ZBBX: variants seen among roughly 807,000 people sequenced by gnomAD.
The protein encoded by ZBBX is zinc finger B-box domain-containing protein 1.
Under a neutral mutation model 108.5 loss-of-function variants are expected in ZBBX, and 101 were observed. That is an observed-to-expected ratio of 0.93 (90% CI 0.79 to 1.10). ZBBX has a LOEUF of 1.10. Ranked by LOEUF, ZBBX falls within the 50% of genes least tolerant of loss-of-function variation. The pLI is 0.00. For synonymous variants in ZBBX, 356 were observed against 323.4 expected (o/e 1.10, Z -1.08); for missense variants, 1,009 against 941.4 (o/e 1.07, Z -0.94).
chr3:167,286,155 G>C lies in ZBBX; in HGVS notation c.1996+2712C>G, dbSNP rs191491824. On this transcript the variant is annotated intron_variant, in intron 19 of 21. Coordinates refer to ENST00000675490, the MANE Select transcript of ZBBX (RefSeq NM_001199201.2). Reference sequence around the variant, plus strand: ...CATATGAAGAGTGTGAGAATGGAGAGGGAAATTTCAGAGCATCCTGGAGAA... The same window carrying C: ...CATATGAAGAGTGTGAGAATGGAGACGGAAATTTCAGAGCATCCTGGAGAA... Among the ~76,000 whole-genome samples the C allele has an allele frequency of 5.3e-5, 8 of 152,152 alleles. No homozygotes were observed. The East Asian group carries it at 1.5e-3, about 29-fold the overall frequency.
chr3:167,329,372 G>C (rs951728200), intron 10 of ZBBX, among the ~76,000 whole-genome samples: 1 of 152,138 alleles, frequency 6.6e-6, no homozygotes, highest in Non-Finnish European at 1.5e-5. Context: ...AAAATAAACA[G>C]GCAGCTTGTT....
intron 2 of ZBBX, among the ~76,000 whole-genome samples, chr3:167,376,495 A>G (rs1399948574): frequency 6.6e-6 from 1 of 152,180 alleles, no homozygotes; most frequent in Non-Finnish European, 1.5e-5. Flanking sequence ...GATTATTAAA[A>G]TAATCTAAAT....
intron 8 of ZBBX, among the ~76,000 whole-genome samples, chr3:167,356,486 T>C (rs1355537715): frequency 1.3e-5 from 2 of 152,122 alleles, no homozygotes; most frequent in Non-Finnish European, 2.9e-5. Context: ...TCTAAAACTG[T>C]AACATAATAT....
intron 18 of ZBBX, among the ~76,000 whole-genome samples, chr3:167,289,532 G>A (rs1730282887): frequency 6.6e-6 from 1 of 152,228 alleles, no homozygotes; most frequent in Non-Finnish European, 1.5e-5. Context: ...TCCTAGCCAA[G>A]GGAAGCCATT....
At chr3:167,333,472 T>G (rs1397352275) in intron 10 of ZBBX, among the ~76,000 whole-genome samples, 3 of 152,144 alleles carry the variant, frequency 2.0e-5, no homozygotes, top group Non-Finnish European at 4.4e-5. Context: ...TTTTGTATTT[T>G]TAGCTTCTCT....
intron 16 of ZBBX, among the ~76,000 whole-genome samples, chr3:167,310,339 C>T (rs1351234974): frequency 6.6e-6 from 1 of 152,192 alleles, no homozygotes; most frequent in Non-Finnish European, 1.5e-5. Flanking sequence ...GTTCTAACCT[C>T]TGCCTGTTAC....
the ZBBX span, among the ~76,000 whole-genome samples, chr3:167,184,316 G>A: frequency 0.013 from 2,031 of 152,234 alleles, 22 homozygotes; most frequent in South Asian, 0.026. Context: ...TGACCTTTGT[G>A]TTGAGATGTT....
intron 9 of ZBBX, among the ~76,000 whole-genome samples, chr3:167,348,310 GAA>G (rs1383486374): frequency 0.017 from 1,471 of 85,088 alleles, 27 homozygotes; most frequent in African/African-American, 0.056. Flanking sequence ...AAGAGAGAAA[GAA>G]AGAGAAAGAA....
At chr3:167,338,728 GT>G (rs775939140) in intron 9 of ZBBX, among the ~76,000 whole-genome samples, 1 of 152,108 alleles carries the variant, frequency 6.6e-6, no homozygotes, top group African/African-American at 2.4e-5. Context: ...CTGCAGAAGA[GT>G]TCTGTTATTT....
intron 9 of ZBBX, among the ~76,000 whole-genome samples, chr3:167,337,369 A>G (rs746132449): frequency 3.9e-5 from 6 of 152,108 alleles, no homozygotes; most frequent in Non-Finnish European, 8.8e-5. Flanking sequence ...AATACAAAAA[A>G]TTAGCTGAAC....
the ZBBX span, among the ~76,000 whole-genome samples, chr3:167,224,788 CA>C: frequency 2.0e-5 from 3 of 151,810 alleles, no homozygotes; most frequent in Non-Finnish European, 2.9e-5. Flanking sequence ...TTGCAAATGG[CA>C]GTACTATCTC....
At chr3:167,203,657 G>A in the ZBBX span, among the ~76,000 whole-genome samples, 1 of 152,060 alleles carries the variant, frequency 6.6e-6, no homozygotes. Flanking sequence ...GCTTAAGGAA[G>A]CATATAACAG....
intron 17 of ZBBX, among the ~76,000 whole-genome samples, chr3:167,302,056 A>T (rs1686725470): frequency 6.6e-6 from 1 of 151,870 alleles, no homozygotes; most frequent in African/African-American, 2.4e-5. Context: ...ATGGTTGGAA[A>T]ACACCGTGTG....
intron 20 of ZBBX, among the ~76,000 whole-genome samples, chr3:167,245,833 A>C (rs1003728104): frequency 6.6e-6 from 1 of 152,112 alleles, no homozygotes; most frequent in Non-Finnish European, 1.5e-5. Context: ...TTTTTTTATA[A>C]GTTGTAAGTT....
intron 1 of ZBBX, among the ~76,000 whole-genome samples, chr3:167,403,550 T>C (rs943531743): frequency 5.9e-5 from 9 of 152,112 alleles, no homozygotes; most frequent in Non-Finnish European, 1.2e-4. Context: ...TTTCTCCTAA[T>C]TTGTTTGAAA....
At chr3:167,321,756 T>G (rs886346639) in intron 12 of ZBBX, among the ~76,000 whole-genome samples, 1 of 152,096 alleles carries the variant, frequency 6.6e-6, no homozygotes, top group Non-Finnish European at 1.5e-5. Flanking sequence ...AACTAGATTC[T>G]GAAAATTATA....
the ZBBX span, among the ~76,000 whole-genome samples, chr3:167,195,849 G>T: frequency 6.6e-6 from 1 of 152,096 alleles, no homozygotes; most frequent in Admixed American, 6.6e-5. Flanking sequence ...ACACCGTCTG[G>T]CATCACAGAA....
At chr3:167,232,794 G>T in the ZBBX span, among the ~76,000 whole-genome samples, 2 of 151,676 alleles carry the variant, frequency 1.3e-5, no homozygotes, top group Non-Finnish European at 2.9e-5. Flanking sequence ...TCCACCAATG[G>T]CTCTTTGAGG....
the ZBBX span, among the ~76,000 whole-genome samples, chr3:167,199,441 T>C: frequency 1.3e-5 from 2 of 152,210 alleles, no homozygotes; most frequent in South Asian, 4.1e-4. Flanking sequence ...CTGGGAATTA[T>C]ATACAGGTCC....
Sources: gnomAD v4.1 joint callset for allele counts (sites outside exome capture counted in the v4.1 genomes callset) on GRCh38, gnomAD v4.1.1 for gene constraint, MANE v1.5 for transcripts, NCBI Gene and HGNC (gene_info 2026-07-23, HGNC 2026-07-21) for gene names.